The following NPHS2 variants were observed in gnomAD, a reference collection of about 807,000 sequenced individuals.
The protein encoded by NPHS2 is NPHS2 stomatin family member, podocin, also known as podocin.
A neutral mutation model predicts 37.1 loss-of-function variants in NPHS2; 36 were observed. The ratio of observed to expected loss-of-function variants is 0.97; its 90% CI spans 0.74 to 1.28. The LOEUF (loss-of-function observed/expected upper bound fraction) is 1.28, where lower values mean the gene tolerates loss of function less well. NPHS2 is among the 50% of genes most tolerant of loss of function. The probability of loss-of-function intolerance (pLI) is 0.00; values close to 1 mark genes in which losing one functional copy is unlikely to be tolerated. For synonymous variants in NPHS2, 196 were observed against 189.3 expected, an observed-to-expected ratio of 1.04 and a Z score of -0.29; for missense variants, 447 against 488.1, an observed-to-expected ratio of 0.92 and a Z score of 0.79.
At chr1:179,574,536 A>G (rs1558354366) in intron 1 of NPHS2, among the ~76,000 whole-genome samples, 1 of 152,180 alleles carries the variant, frequency 6.6e-6, no homozygotes, top group Non-Finnish European at 1.5e-5. Flanking sequence ...CATTTACTGA[A>G]CAGAGGTTTC....
chr1:179,565,832 T>G (rs1416709823), intron 1 of NPHS2, among the ~76,000 whole-genome samples: 1 of 152,042 alleles, frequency 6.6e-6, no homozygotes, highest in Admixed American at 6.5e-5. Context: ...TTTGCTTTTC[T>G]GTCCTTGTGA....
In NPHS2 at chr1:179,559,295, A is replaced by T. The variant is rs114542043; in HGVS notation, c.534+384T>A. On this transcript the variant is annotated intron_variant, in intron 4 of 7. Coordinates refer to ENST00000367615, the MANE Select transcript of NPHS2 (RefSeq NM_014625.4). ...ATCCCATCTAAAAAAGTACCTTCAC[A>T]GTAACATCCAGATGTGTTTGGCCAA... is the stretch of plus-strand genomic sequence containing the variant. 5.6e-3 allele frequency among the ~76,000 whole-genome samples: 855 copies of T among 152,314 alleles called. 4 individuals are homozygous for T. The highest frequency in any genetic ancestry group is 0.019 in the African/African-American group (806 of 41,576).
chr1:179,550,894 A>T lies in NPHS2; in HGVS notation c.*279T>A. The T allele has an allele frequency of 2.2e-6, 1 of 463,294 alleles. No individual in the cohort carries two copies. The highest frequency in any genetic ancestry group is 4.2e-5 in the East Asian group (1 of 23,532). 28.7% of individuals were successfully genotyped at this position (463,294 alleles called of 1,614,324 possible). On this transcript the variant is annotated 3_prime_UTR_variant, in exon 8 of 8. Transcript: ENST00000367615. ...AGTTCCCAGAAGTCAAAATTTAACC[A>T]CATCTAGACTCAAAATTCTTTCCAA...
intron 1 of NPHS2, among the ~76,000 whole-genome samples, chr1:179,568,474 AT>A (rs1405825723): frequency 6.6e-6 from 1 of 151,890 alleles, no homozygotes; most frequent in Non-Finnish European, 1.5e-5. Flanking sequence ...CTAGCGGTCT[AT>A]TTTGTTAATC....
intron 3 of NPHS2, among the ~76,000 whole-genome samples, chr1:179,560,999 G>A (rs139252411): frequency 3.6e-4 from 55 of 152,278 alleles, no homozygotes; most frequent in African/African-American, 1.3e-3. Flanking sequence ...TATACACATC[G>A]TACTCAAATC....
chr1:179,552,544 T>C, intron 7 of NPHS2, 59 bp downstream of exon 7: 1 of 1,319,374 alleles, frequency 7.6e-7, no homozygotes, highest in Non-Finnish European at 1.1e-6. Context: ...AAAGGGGAAA[T>C]GTTCTCCACG....
intron 2 of NPHS2, among the ~76,000 whole-genome samples, 192 bp from the exon 3 acceptor site, chr1:179,561,553 C>G (rs923973024): frequency 6.6e-6 from 1 of 152,102 alleles, no homozygotes; most frequent in Admixed American, 6.6e-5. Context: ...AGTATATTAA[C>G]CATGTTAATT....
At position 179,556,938 on chromosome 1, in the gene NPHS2, TG is replaced by T; in HGVS notation, c.738+88del. ...AGGGATGGCCCCTAAGGGATGGAAC[TG>T]GCCATAGAAGATTTAATAAATGTCC... On this transcript the variant is annotated intron_variant, in intron 5 of 7. Transcript: ENST00000367615. The surrounding 1 kb of genome is among the most constrained non-coding windows in gnomAD (Gnocchi z 4.1). 1.6e-6 allele frequency: 2 copies of T among 1,272,330 alleles called. No homozygotes were observed. Among genetic ancestry groups the T allele is most frequent in the South Asian group, 1.3e-5 (1 of 77,900 alleles). 78.8% of individuals were successfully genotyped at this position (1,272,330 alleles called of 1,614,324 possible).
In NPHS2 at chr1:179,565,854, G is replaced by A. The variant is rs187144894; in HGVS notation, c.275-1061C>T. Among the ~76,000 whole-genome samples the A allele has an allele frequency of 2.9e-3, 442 of 152,170 alleles. 12 individuals carry two copies. The highest frequency in any genetic ancestry group is 0.028 in the Admixed American group (435 of 15,282). On this transcript the variant is annotated intron_variant, in intron 1 of 7. Transcript: ENST00000367615. ...TTCTGTCCTTGTGATAGTTTGCTGA[G>A]AATGATGGTTTCCGGCTTCATCCAT...
At position 179,556,715 on chromosome 1, in the gene NPHS2, C is replaced by T. The variant is rs1284110032; in HGVS notation, c.738+312G>A. On this transcript the variant is annotated intron_variant, in intron 5 of 7. Transcript: ENST00000367615. This position sits in a 1 kb window ranked among gnomAD's most constrained non-coding sequence, Gnocchi z 4.1. ...TGTGTACCAACCCCTCCTGTCCATC[C>T]CCACCAACCCCACCGTTCCTGCCAG... Among the ~76,000 whole-genome samples, 1 of 152,142 alleles carries T rather than the reference C, an allele frequency of 6.6e-6. No homozygotes were observed.
At chr1:179,554,070 G>A (rs1234651714) in intron 6 of NPHS2, among the ~76,000 whole-genome samples, 4 of 151,962 alleles carry the variant, frequency 2.6e-5, no homozygotes, top group South Asian at 4.1e-4. Flanking sequence ...GTGCTACCAC[G>A]CCCAGCTAAT....
intron 2 of NPHS2, among the ~76,000 whole-genome samples, chr1:179,562,054 G>T (rs1286642989): frequency 6.6e-6 from 1 of 152,196 alleles, no homozygotes; most frequent in Non-Finnish European, 1.5e-5. Context: ...TGATTCACCT[G>T]CTTTGGCCTC....
intron 6 of NPHS2, 21 bp from the exon 7 acceptor site, chr1:179,552,702 G>A (rs1445679858): frequency 1.3e-6 from 2 of 1,591,356 alleles, no homozygotes; most frequent in Non-Finnish European, 1.7e-6. Flanking sequence ...AAGAATGCAG[G>A]TATGTAGGTG....
chr1:179,560,026 G>T (rs148861944), intron 3 of NPHS2, among the ~76,000 whole-genome samples: 1 of 152,122 alleles, frequency 6.6e-6, no homozygotes, highest in Non-Finnish European at 1.5e-5. Context: ...GCCTCCCCAG[G>T]TCTCAATTGC....
At chr1:179,572,709 C>T (rs1674608553) in intron 1 of NPHS2, among the ~76,000 whole-genome samples, 1 of 152,164 alleles carries the variant, frequency 6.6e-6, no homozygotes, top group Admixed American at 6.5e-5. Context: ...TAGAAGGTGA[C>T]TAAAAATTAG....
intron 7 of NPHS2, 194 bp from the exon 8 acceptor site, chr1:179,551,645 A>G: frequency 1.6e-6 from 1 of 630,480 alleles, no homozygotes; most frequent in Non-Finnish European, 2.8e-6. Context: ...TCACAATTTA[A>G]GGTGGAATGC....
At chr1:179,553,138 A>G (rs1217147509) in intron 6 of NPHS2, among the ~76,000 whole-genome samples, 2 of 152,250 alleles carry the variant, frequency 1.3e-5, no homozygotes, top group African/African-American at 2.4e-5. Context: ...CATAAAAGGT[A>G]CAAAATTGTC....
At chr1:179,570,980 T>C (rs1158079493) in intron 1 of NPHS2, among the ~76,000 whole-genome samples, 2 of 152,174 alleles carry the variant, frequency 1.3e-5, no homozygotes, top group Non-Finnish European at 2.9e-5. Context: ...TTTTTAAAGG[T>C]TTTAAGCTTC....
chr1:179,571,780 C>A (rs1176370732), intron 1 of NPHS2, among the ~76,000 whole-genome samples: 1 of 152,238 alleles, frequency 6.6e-6, no homozygotes, highest in Non-Finnish European at 1.5e-5. Flanking sequence ...CAATGGTGGA[C>A]ACCCCACCCC....
Sources: allele counts gnomAD v4.1 joint callset (sites outside exome capture counted in the v4.1 genomes callset), GRCh38; gene constraint gnomAD v4.1.1; non-coding constraint Gnocchi (gnomAD v3.1); transcripts MANE v1.5; gene names NCBI Gene and HGNC (gene_info 2026-07-23, HGNC 2026-07-21).